KDM5A: variants seen among roughly 807,000 people sequenced by gnomAD.
KDM5A encodes lysine demethylase 5A.
A neutral mutation model predicts 193.5 loss-of-function variants in KDM5A; 42 were observed. That is an observed-to-expected ratio of 0.22 (90% CI 0.17 to 0.28). The LOEUF is 0.28. Ranked by LOEUF, KDM5A falls within the 10% of genes least tolerant of loss-of-function variation. KDM5A has a pLI of 1.00. For synonymous variants in KDM5A, 796 were observed against 718.1 expected, an observed-to-expected ratio of 1.11 and a Z score of -1.73; for missense variants, 1,692 against 2,055.1, an observed-to-expected ratio of 0.82 and a Z score of 3.42.
chr12:352,458 T>C, intron 8 of KDM5A, 134 bp from the exon 9 acceptor site: 1 of 771,628 alleles, frequency 1.3e-6, no homozygotes. Context: ...ACAAAACAAA[T>C]ATCAGCTACT....
Position 307,215 on chromosome 12 carries a change from A to G in KDM5A, c.3931-126T>C, listed in dbSNP as rs368289880. On this transcript the variant is annotated intron_variant, in intron 23 of 27. Coordinates refer to ENST00000399788, the MANE Select transcript of KDM5A (RefSeq NM_001042603.3). This position sits in a 1 kb window ranked among gnomAD's most constrained non-coding sequence, Gnocchi z 4.3. ...TGGCTAACAGAGTTCTTCAACAGTT[A>G]GTAGAAATCAAATTATTTGATTATG... 6 of 1,161,026 alleles carry G rather than the reference A, an allele frequency of 5.2e-6. No individual in the cohort carries two copies. The highest frequency in any genetic ancestry group is 1.5e-5 in the African/African-American group (1 of 65,234). The allele number at this position is 1,161,026 out of a possible 1,614,324, so 71.9% of individuals were successfully genotyped here. A position where few individuals can be genotyped will look rare whatever the true frequency, so the allele number is the denominator to read the frequency against.
At chr12:321,928 T>C (rs1241748173) in intron 17 of KDM5A, among the ~76,000 whole-genome samples, 3 of 151,874 alleles carry the variant, frequency 2.0e-5, no homozygotes, top group Non-Finnish European at 2.9e-5. Context: ...TACATTCTAG[T>C]AGGGGATGGG....
chr12:321,933 G>A (rs1175423646), intron 17 of KDM5A, among the ~76,000 whole-genome samples: 2 of 152,124 alleles, frequency 1.3e-5, no homozygotes, highest in African/African-American at 4.8e-5. Context: ...TCTAGTAGGG[G>A]ATGGGGGAGA....
At chr12:297,000 T>G in intron 25 of KDM5A, 41 bp downstream of exon 25, 1 of 1,599,242 alleles carries the variant, frequency 6.3e-7, no homozygotes, top group Non-Finnish European at 8.6e-7. Flanking sequence ...TCTCATTGGT[T>G]TTCTGCTTAT....
chr12:314,356 C>T lies in KDM5A; in HGVS notation c.2898-1162G>A, dbSNP rs138410325. ...GAGTACAGGCATGCGCCACCACGCC[C>T]GGCTAATTTTTTGTATTTTTAGTAG... On this transcript the variant is annotated intron_variant, in intron 19 of 27. Transcript: ENST00000399788. Among the ~76,000 whole-genome samples, 460 of 152,072 alleles carry T rather than the reference C, an allele frequency of 3.0e-3. 2 individuals are homozygous for T. Among genetic ancestry groups the T allele is most frequent in the African/African-American group, 0.01 (430 of 41,476 alleles).
chr12:383,913 T>C, intron 3 of KDM5A, 118 bp downstream of exon 3: 1 of 1,096,846 alleles, frequency 9.1e-7, no homozygotes, highest in Non-Finnish European at 1.4e-6. Context: ...CATACCCAGC[T>C]AGTGCATTTC....
At chr12:382,133 A>T (rs2137496337) in intron 3 of KDM5A, among the ~76,000 whole-genome samples, 1 of 152,186 alleles carries the variant, frequency 6.6e-6, no homozygotes, top group South Asian at 2.1e-4. Flanking sequence ...GTTTTTCCTT[A>T]CAAGTGAAAT....
At chr12:330,085 G>GTGTGTGTGTGTATATATATATATA (rs377271333) in intron 13 of KDM5A, among the ~76,000 whole-genome samples, 29 of 139,376 alleles carry the variant, frequency 2.1e-4, no homozygotes, top group African/African-American at 7.5e-4. Flanking sequence ...GTGTGTGTGT[G>GTGTGTGTGTGTATATATATATATA]TATATATATA....
chr12:377,160 C>T (rs1284258881), intron 3 of KDM5A, among the ~76,000 whole-genome samples: 1 of 152,144 alleles, frequency 6.6e-6, no homozygotes, highest in African/African-American at 2.4e-5. Flanking sequence ...CTATCCCTCT[C>T]CAACCCCAGC....
chr12:326,207 A>C (rs1943781390), intron 14 of KDM5A, among the ~76,000 whole-genome samples: 1 of 152,232 alleles, frequency 6.6e-6, no homozygotes, highest in Non-Finnish European at 1.5e-5. Flanking sequence ...CACATGTTGG[A>C]AACACAGATT....
rs1250802323 is a variant in KDM5A, at chr12:297,033, A to G, written c.4234+8T>C. The stretch of plus-strand genomic sequence containing the variant: ...TATGTTCCCCACAGTTTTTTAAAGG[A>G]GTAATACCTTGAGAACAACTCTTAG... On this transcript the variant is annotated splice_region_variant and intron_variant, in intron 25 of 27. Transcript: ENST00000399788. 6.2e-7 allele frequency: 1 copy of G among 1,613,482 alleles called. No individual in the cohort carries two copies. Among genetic ancestry groups the G allele is most frequent in the Non-Finnish European group, 8.5e-7 (1 of 1,179,798 alleles).
chr12:355,524 G>C (rs755141626), intron 6 of KDM5A, among the ~76,000 whole-genome samples: 10 of 152,198 alleles, frequency 6.6e-5, no homozygotes, highest in Non-Finnish European at 1.0e-4. Flanking sequence ...TGTGTATGCA[G>C]TACGTACTAC....
intron 3 of KDM5A, among the ~76,000 whole-genome samples, chr12:375,896 A>G (rs1465175472): frequency 6.6e-6 from 1 of 152,232 alleles, no homozygotes; most frequent in African/African-American, 2.4e-5. Context: ...AGAACAGCGA[A>G]TGTTGCCGAA....
chr12:307,092 A>G lies in KDM5A; in HGVS notation c.3931-3T>C, dbSNP rs1565528388. The G allele has an allele frequency of 6.2e-7, 1 of 1,614,174 alleles. No homozygotes were observed. Among genetic ancestry groups the G allele is most frequent in the Admixed American group, 1.7e-5 (1 of 60,030 alleles). On this transcript the variant is annotated splice_region_variant and splice_polypyrimidine_tract_variant and intron_variant, in intron 23 of 27. Transcript: ENST00000399788. The surrounding 1 kb of genome is among the most constrained non-coding windows in gnomAD (Gnocchi z 4.3). Reference sequence around the variant, plus strand: ...TGCTGGAAACTAGGTAAGTGTCCCTAAACAACAAATAATTCCAAGATGAAC... The same window carrying G: ...TGCTGGAAACTAGGTAAGTGTCCCTGAACAACAAATAATTCCAAGATGAAC...
intron 3 of KDM5A, among the ~76,000 whole-genome samples, chr12:367,004 G>T (rs1206806466): frequency 5.9e-5 from 9 of 152,178 alleles, no homozygotes; most frequent in African/African-American, 2.2e-4. Flanking sequence ...TACACCTTTA[G>T]GTCTAGGAGC....
rs1463784940 is a variant in KDM5A, at chr12:281,596, T to C, written c.*3860A>G. ...AGGACCTGCTATAAAAGCAACCTTC[T>C]ACACACATATGGAGCTAATTCACAT... On this transcript the variant is annotated 3_prime_UTR_variant, in exon 28 of 28. Coordinates refer to ENST00000399788, the MANE Select transcript of KDM5A (RefSeq NM_001042603.3). 1.3e-5 allele frequency: 3 copies of C among 233,292 alleles called. No homozygotes were observed. The highest frequency in any genetic ancestry group is 2.5e-5 in the Non-Finnish European group (3 of 118,140). 14.5% of individuals were successfully genotyped at this position (233,292 alleles called of 1,614,324 possible). A position where few individuals can be genotyped will look rare whatever the true frequency, so the allele number is the denominator to read the frequency against.
At chr12:287,474 A>C (rs1418890790) in intron 27 of KDM5A, among the ~76,000 whole-genome samples, 1 of 150,476 alleles carries the variant, frequency 6.6e-6, no homozygotes, top group African/African-American at 2.4e-5. Context: ...AAATGTTCCT[A>C]TTGTAGCAAA....
chr12:284,540 G>A lies in KDM5A; in HGVS notation c.*916C>T. 4.3e-6 allele frequency: 1 copy of A among 232,832 alleles called. No individual in the cohort carries two copies. The highest frequency in any genetic ancestry group is 8.5e-6 in the Non-Finnish European group (1 of 117,532). 14.4% of individuals were successfully genotyped at this position (232,832 alleles called of 1,614,324 possible). On this transcript the variant is annotated 3_prime_UTR_variant, in exon 28 of 28. Transcript: ENST00000399788. ...TTGCTCATGGCCATGCCTGAAGCCT[G>A]GTGTCTGGAATACTTGTGAATGAAG... is the stretch of plus-strand genomic sequence containing the variant.
chr12:323,266 C>T (rs1245301193), intron 15 of KDM5A, 60 bp from the exon 16 acceptor site: 2 of 1,262,752 alleles, frequency 1.6e-6, no homozygotes, highest in Non-Finnish European at 2.0e-6. Flanking sequence ...ACCTCAAAAA[C>T]CAACAATAAC....
Sources: gnomAD v4.1 joint callset for allele counts (sites outside exome capture counted in the v4.1 genomes callset) on GRCh38, gnomAD v4.1.1 for gene constraint, Gnocchi (gnomAD v3.1) non-coding constraint, MANE v1.5 for transcripts, NCBI Gene and HGNC (gene_info 2026-07-23, HGNC 2026-07-21) for gene names.